TRIB2: variants seen among roughly 807,000 people sequenced by gnomAD.
TRIB2 encodes the protein tribbles homolog 2.
In TRIB2, 2 loss-of-function variants were observed where a neutral mutation model predicts 26.8. The observed-to-expected ratio is 0.07, with a 90% CI of 0.03 to 0.24. The LOEUF is 0.24. Ranked by LOEUF, TRIB2 falls within the 10% of genes least tolerant of loss-of-function variation. The pLI, the probability that TRIB2 is intolerant of heterozygous loss-of-function variation, is 1.00. For missense variants in TRIB2, 306 were observed against 449.0 expected, an observed-to-expected ratio of 0.68 and a Z score of 2.88; for synonymous variants, 189 against 187.3, an observed-to-expected ratio of 1.01 and a Z score of -0.08.
rs994853985 is a variant in TRIB2 at position 12,732,885 on chromosome 2, C to A, written c.564-7441C>A. Among the ~76,000 whole-genome samples, 31 of 152,188 alleles carry A rather than the reference C, an allele frequency of 2.0e-4. No individual in the cohort carries two copies. Among genetic ancestry groups the A allele is most frequent in the Non-Finnish European group, 4.1e-4 (28 of 68,038 alleles). Reference sequence around the variant, plus strand: ...CTTTTCACTTGACCCTTAAGCCTATCTGGACCGCCTGACTGGACGGCCTTC... The same window carrying A: ...CTTTTCACTTGACCCTTAAGCCTATATGGACCGCCTGACTGGACGGCCTTC... On this transcript the variant is annotated intron_variant, in intron 2 of 2. Coordinates refer to ENST00000155926, the MANE Select transcript of TRIB2 (RefSeq NM_021643.4). This position sits in a 1 kb window ranked among gnomAD's most constrained non-coding sequence, Gnocchi z 4.2.
intron 2 of TRIB2, among the ~76,000 whole-genome samples, chr2:12,739,115 T>C (rs1381924952): frequency 6.6e-6 from 1 of 151,930 alleles, no homozygotes; most frequent in Non-Finnish European, 1.5e-5. Flanking sequence ...CGCAGACACG[T>C]GGGAAATTGG....
chr2:12,727,848 C>T (rs79788894), intron 2 of TRIB2, among the ~76,000 whole-genome samples: 244 of 152,272 alleles, frequency 1.6e-3, no homozygotes, highest in East Asian at 8.9e-3. Flanking sequence ...TGTGTAGTAG[C>T]GGCCACCCTG....
At position 12,717,166 on chromosome 2, in the gene TRIB2, A is replaced by G. The variant is rs1164185934; in HGVS notation, c.-1142A>G. On this transcript the variant is annotated 5_prime_UTR_variant, in exon 1 of 3. Transcript: ENST00000155926. This position sits in a 1 kb window ranked among gnomAD's most constrained non-coding sequence, Gnocchi z 4.8. ...GCAAGAAATCAAAGAAGGAGGAGAC[A>G]AGCCGTCAATTTTCTCCAAAACAAA... is the stretch of plus-strand genomic sequence containing the variant. The G allele has an allele frequency of 5.1e-6, 2 of 390,178 alleles. No individual in the cohort carries two copies. The highest frequency in any genetic ancestry group is 4.1e-5 in the African/African-American group (2 of 48,410). The allele number at this position is 390,178 out of a possible 1,614,324, so 24.2% of individuals were successfully genotyped here.
rs1374180394 is a variant in TRIB2 at position 12,718,625 on chromosome 2, A to G, written c.270+48A>G. On this transcript the variant is annotated intron_variant, in intron 1 of 2. Coordinates refer to ENST00000155926, the MANE Select transcript of TRIB2 (RefSeq NM_021643.4). This position sits in a 1 kb window ranked among gnomAD's most constrained non-coding sequence, Gnocchi z 4.0. ...TTTGTCTTTGGAAGGGGCCCGAGGG[A>G]GCGGGAGGGCGCCAGGCCCTCGAGT... The G allele has an allele frequency of 6.3e-7, 1 of 1,591,166 alleles. No individual in the cohort carries two copies. Among genetic ancestry groups the G allele is most frequent in the Admixed American group, 1.7e-5 (1 of 58,416 alleles).
At chr2:12,729,003 A>G (rs780414063) in intron 2 of TRIB2, among the ~76,000 whole-genome samples, 25 of 152,204 alleles carry the variant, frequency 1.6e-4, no homozygotes, top group Non-Finnish European at 2.6e-4. Context: ...CATTTTTTCA[A>G]GTTGTAGGCG....
At position 12,740,369 on chromosome 2, in the gene TRIB2, C is replaced by T. The variant is rs781077225; in HGVS notation, c.607C>T (p.Arg203Trp). The change falls in exon 3 of 3, where the codon CGG becomes TGG. Residue 203 changes from arginine to tryptophan, a missense_variant. Coordinates refer to ENST00000155926, the MANE Select transcript of TRIB2 (RefSeq NM_021643.4). The surrounding 1 kb of genome is among the most constrained non-coding windows in gnomAD (Gnocchi z 5.8). ...LESLEDAYIL[R>W]GDDDSLSDKH... Reference sequence around the variant, plus strand: ...AAGCCTGGAAGACGCCTACATTCTGCGGGGAGATGATGATTCCCTCTCCGA... The same window carrying T: ...AAGCCTGGAAGACGCCTACATTCTGTGGGGAGATGATGATTCCCTCTCCGA... 1.2e-5 allele frequency: 20 copies of T among 1,614,028 alleles called. No homozygotes were observed. Among genetic ancestry groups the T allele is most frequent in the East Asian group, 2.2e-5 (1 of 44,886 alleles).
At chr2:12,719,237 T>C (rs1265685267) in intron 1 of TRIB2, among the ~76,000 whole-genome samples, 3 of 152,176 alleles carry the variant, frequency 2.0e-5, no homozygotes, top group African/African-American at 7.2e-5. Flanking sequence ...TCCCCATCTC[T>C]AGACTTCCCT....
rs1004998082 is a variant in TRIB2, at chr2:12,740,035, G to A, written c.564-291G>A. 6.6e-6 allele frequency among the ~76,000 whole-genome samples: 1 copy of A among 152,198 alleles called. No individual in the cohort carries two copies. The highest frequency in any genetic ancestry group is 2.4e-5 in the African/African-American group (1 of 41,448). ...CCCTCATCGCAGGGGTGATGATGATGTGATTCATGGTTCGCTAAGGTGCTC... is the reference window on the plus strand; with the variant it reads ...CCCTCATCGCAGGGGTGATGATGATATGATTCATGGTTCGCTAAGGTGCTC... On this transcript the variant is annotated intron_variant, in intron 2 of 2. Transcript: ENST00000155926. This position sits in a 1 kb window ranked among gnomAD's most constrained non-coding sequence, Gnocchi z 5.8.
chr2:12,724,839 A>T, intron 2 of TRIB2: 1 of 1,610,418 alleles, frequency 6.2e-7, no homozygotes, highest in Non-Finnish European at 8.5e-7. Flanking sequence ...TCTCATTTAG[A>T]AGATGAATAT....
At chr2:12,734,190 G>A (rs1426470651) in intron 2 of TRIB2, among the ~76,000 whole-genome samples, 2 of 152,214 alleles carry the variant, frequency 1.3e-5, no homozygotes, top group Non-Finnish European at 2.9e-5. Context: ...GCAGGGAGAT[G>A]TCTCTTCCCC....
chr2:12,724,035 C>T (rs1207622363), intron 2 of TRIB2, among the ~76,000 whole-genome samples: 1 of 152,104 alleles, frequency 6.6e-6, no homozygotes, highest in Admixed American at 6.5e-5. Context: ...AGCCAACGGA[C>T]CTATAAAGGA....
Position 12,738,515 on chromosome 2 carries a change from G to A in TRIB2, c.564-1811G>A, listed in dbSNP as rs192734469. 1.4e-4 allele frequency among the ~76,000 whole-genome samples: 21 copies of A among 152,240 alleles called. No homozygotes were observed. In the East Asian group the frequency reaches 4.1e-3, roughly 29 times the overall value. Reference sequence around the variant, plus strand: ...TCACCTTCTCTGCAAGCCTCCAGGGGTGTGATGATGGGATAGATTAACTGA... The same window carrying A: ...TCACCTTCTCTGCAAGCCTCCAGGGATGTGATGATGGGATAGATTAACTGA... On this transcript the variant is annotated intron_variant, in intron 2 of 2. Transcript: ENST00000155926.
intron 1 of TRIB2, 58 bp from the exon 2 acceptor site, chr2:12,723,202 T>G: frequency 2.6e-6 from 4 of 1,547,510 alleles, no homozygotes; most frequent in Non-Finnish European, 3.5e-6. Flanking sequence ...CAGCATTATG[T>G]GTTTTGGTTG....
In TRIB2 at chr2:12,741,487, T is replaced by C. The variant is rs1267820490; in HGVS notation, c.*693T>C. 1 of 152,344 alleles carries C rather than the reference T, an allele frequency of 6.6e-6. No individual in the cohort carries two copies. The highest frequency in any genetic ancestry group is 2.4e-5 in the African/African-American group (1 of 41,454). 9.4% of individuals were successfully genotyped at this position (152,344 alleles called of 1,614,324 possible). On this transcript the variant is annotated 3_prime_UTR_variant, in exon 3 of 3. Coordinates refer to ENST00000155926, the MANE Select transcript of TRIB2 (RefSeq NM_021643.4). ...AACAAGCTATTCTGTTTTGTGTCAATTGGTTCGTGGCAGGAAGCTATTAGA... is the reference window on the plus strand; with the variant it reads ...AACAAGCTATTCTGTTTTGTGTCAACTGGTTCGTGGCAGGAAGCTATTAGA...
At chr2:12,726,909 C>A (rs928066582) in intron 2 of TRIB2, among the ~76,000 whole-genome samples, 1 of 152,210 alleles carries the variant, frequency 6.6e-6, no homozygotes, top group Non-Finnish European at 1.5e-5. Context: ...TGTGTGCCAT[C>A]TGGGACTCTG....
chr2:12,739,393 G>A (rs1661659244), intron 2 of TRIB2, among the ~76,000 whole-genome samples: 1 of 152,194 alleles, frequency 6.6e-6, no homozygotes, highest in African/African-American at 2.4e-5. Flanking sequence ...CTGAGCATCT[G>A]GGATTACAGG....
chr2:12,737,685 A>C (rs1661612568), intron 2 of TRIB2, among the ~76,000 whole-genome samples: 1 of 152,230 alleles, frequency 6.6e-6, no homozygotes, highest in African/African-American at 2.4e-5. Flanking sequence ...GCACACAAAA[A>C]AGGGAGAGAT....
intron 2 of TRIB2, among the ~76,000 whole-genome samples, chr2:12,731,345 G>T (rs1426966528): frequency 1.3e-5 from 2 of 152,078 alleles, no homozygotes; most frequent in East Asian, 3.9e-4. Context: ...CTGAGTCCAG[G>T]GCCTGAAAGA....
At chr2:12,737,375 G>GA (rs5829384) in intron 2 of TRIB2, 105,277 of 154,726 alleles carry the variant, frequency 0.68, 36,043 homozygotes, top group East Asian at 0.85. Flanking sequence ...GTGAGAATGG[G>GA]TAGAGGAAGC....
Sources: gnomAD v4.1 joint callset for allele counts (sites outside exome capture counted in the v4.1 genomes callset) on GRCh38, gnomAD v4.1.1 for gene constraint, Gnocchi (gnomAD v3.1) non-coding constraint, MANE v1.5 for transcripts, NCBI Gene and HGNC (gene_info 2026-07-23, HGNC 2026-07-21) for gene names.